The following GRK1 variants were observed in gnomAD, a reference collection of about 807,000 sequenced individuals.
The protein encoded by GRK1 is rhodopsin kinase GRK1.
Under a neutral mutation model 41.7 loss-of-function variants are expected in GRK1, and 28 were observed. The ratio of observed to expected loss-of-function variants is 0.67; its 90% CI spans 0.50 to 0.92. The LOEUF (loss-of-function observed/expected upper bound fraction) is 0.92, where lower values mean the gene tolerates loss of function less well. GRK1 is among the 40% of genes least tolerant of loss of function. The pLI, the probability that GRK1 is intolerant of heterozygous loss-of-function variation, is 0.00. For synonymous variants in GRK1, 327 were observed against 286.7 expected, an observed-to-expected ratio of 1.14 and a Z score of -1.42; for missense variants, 703 against 671.2, an observed-to-expected ratio of 1.05 and a Z score of -0.52.
chr13:113,656,201 G>A, the GRK1 span, among the ~76,000 whole-genome samples: 3 of 152,330 alleles, frequency 2.0e-5, no homozygotes, highest in South Asian at 2.1e-4. Flanking sequence ...TGGCCCTGCA[G>A]GTCCTGCCTC....
the GRK1 span, among the ~76,000 whole-genome samples, chr13:113,661,208 C>T: frequency 1.3e-5 from 2 of 152,040 alleles, no homozygotes; most frequent in Non-Finnish European, 2.9e-5. Flanking sequence ...ACAGAAAAAC[C>T]TCCAAATATG....
chr13:113,651,127 G>T, the GRK1 span, among the ~76,000 whole-genome samples: 1 of 151,940 alleles, frequency 6.6e-6, no homozygotes, highest in Non-Finnish European at 1.5e-5. Flanking sequence ...CGCGGTAATG[G>T]AACCACGCTG....
chr13:113,655,659 G>A, the GRK1 span, among the ~76,000 whole-genome samples: 1 of 138,332 alleles, frequency 7.2e-6, no homozygotes, highest in East Asian at 2.2e-4. Flanking sequence ...TGTGTGGATC[G>A]CAGGAGGCAT....
At chr13:113,660,682 C>T in the GRK1 span, among the ~76,000 whole-genome samples, 3 of 152,164 alleles carry the variant, frequency 2.0e-5, no homozygotes, top group Non-Finnish European at 4.4e-5. Context: ...CTGGGCATCT[C>T]TGCTAAAAAA....
At chr13:113,653,236 CCCG>C in the GRK1 span, 13 of 1,368,700 alleles carry the variant, frequency 9.5e-6, no homozygotes, top group Non-Finnish European at 1.3e-5. Context: ...ACCTCACCCA[CCCG>C]CCGCTTCACA....
chr13:113,660,549 A>C, the GRK1 span, among the ~76,000 whole-genome samples: 20,823 of 152,278 alleles, frequency 0.14, 1,553 homozygotes, highest in Middle Eastern at 0.23. Context: ...CATCACACAA[A>C]GAACGAGGAC....
In GRK1 at chr13:113,733,778, C is replaced by T. The variant is rs866512030; in HGVS notation, c.1396+693C>T. On this transcript the variant is annotated intron_variant, in intron 6 of 6. Transcript: ENST00000335678. ...GTGTGCGTGTGTATGTGTGTGCATACGTGTGTGCATGTGTGTATGTGTATC... is the reference window on the plus strand; with the variant it reads ...GTGTGCGTGTGTATGTGTGTGCATATGTGTGTGCATGTGTGTATGTGTATC... Among the ~76,000 whole-genome samples the T allele has an allele frequency of 3.9e-3, 350 of 89,516 alleles. 4 individuals are homozygous for T. The highest frequency in any genetic ancestry group is 0.015 in the African/African-American group (326 of 21,624). 58.7% of individuals were successfully genotyped at this position (89,516 alleles called of 152,430 possible).
At chr13:113,667,181 C>A (rs1419362405), upstream of GRK1, 5 of 564,726 alleles carry the variant, frequency 8.9e-6, no homozygotes, top group African/African-American at 9.3e-5. This position sits in a 1 kb window ranked among gnomAD's most constrained non-coding sequence, Gnocchi z 7.5. Context: ...GGGATTTAGC[C>A]TGGTGCTGTG....
intron 4 of GRK1, among the ~76,000 whole-genome samples, chr13:113,729,270 G>T (rs538744807): frequency 6.6e-6 from 1 of 152,242 alleles, no homozygotes; most frequent in Non-Finnish European, 1.5e-5. Flanking sequence ...ATGTGCGAGC[G>T]AGGCTCCAGG....
In GRK1 at chr13:113,667,442, G is replaced by A. The variant is rs374698122; in HGVS notation, c.56G>A (p.Arg19Gln). ...VVANSAFIAA[R>Q]GSFDGSSSQP... ...GCCAACTCTGCCTTCATCGCCGCCCGAGGCAGCTTTGACGGCAGCAGCTCC... is the reference window on the plus strand; with the variant it reads ...GCCAACTCTGCCTTCATCGCCGCCCAAGGCAGCTTTGACGGCAGCAGCTCC... Residue 19 changes from arginine to glutamine, a missense_variant, in exon 1 of 7, where the codon CGA (arginine) becomes CAA (glutamine). Coordinates refer to ENST00000335678, the MANE Select transcript of GRK1 (RefSeq NM_002929.3). This position sits in a 1 kb window ranked among gnomAD's most constrained non-coding sequence, Gnocchi z 7.5. 122 of 1,606,414 alleles carry A rather than the reference G, an allele frequency of 7.6e-5. No individual in the cohort carries two copies. The African/African-American group carries it at 1.2e-3, about 15-fold the overall frequency.
In GRK1 at chr13:113,723,171, C is replaced by A. The variant is rs145681382; in HGVS notation, c.1069+14C>A. 2 of 698,796 alleles carry A rather than the reference C, an allele frequency of 2.9e-6. No individual in the cohort carries two copies. The highest frequency in any genetic ancestry group is 5.2e-6 in the Non-Finnish European group (2 of 381,758). The allele number at this position is 698,796 out of a possible 1,614,324, so 43.3% of individuals were successfully genotyped here. A position where few individuals can be genotyped will look rare whatever the true frequency, so the allele number is the denominator to read the frequency against. ...CAGGGACCCCAGGTAAGGGTCTGAGCGCAGCTGGGGAGGCTCCGTGCATGG... is the reference window on the plus strand; with the variant it reads ...CAGGGACCCCAGGTAAGGGTCTGAGAGCAGCTGGGGAGGCTCCGTGCATGG... On this transcript the variant is annotated intron_variant, in intron 4 of 6. Transcript: ENST00000335678.
chr13:113,724,135 A>G (rs1170864277), intron 4 of GRK1, among the ~76,000 whole-genome samples: 1 of 151,896 alleles, frequency 6.6e-6, no homozygotes, highest in Non-Finnish European at 1.5e-5. Flanking sequence ...GGAGACCCCC[A>G]CAGTCAAGCA....
chr13:113,649,451 C>A, the GRK1 span: 109 of 1,572,344 alleles, frequency 6.9e-5, no homozygotes, highest in Non-Finnish European at 9.0e-5. The surrounding 1 kb of genome is among the most constrained non-coding windows in gnomAD (Gnocchi z 4.7). Context: ...ACGTGCTCCG[C>A]CATGACCTTG....
intron 6 of GRK1, among the ~76,000 whole-genome samples, chr13:113,733,549 G>T (rs556531537): frequency 1.3e-5 from 2 of 151,240 alleles, no homozygotes; most frequent in South Asian, 4.2e-4. Flanking sequence ...ATGCGTGTGC[G>T]CGCACGTGTG....
chr13:113,666,513 C>T (rs2049820375), upstream of GRK1, among the ~76,000 whole-genome samples: 1 of 151,956 alleles, frequency 6.6e-6, no homozygotes, highest in South Asian at 2.1e-4. Flanking sequence ...AGGTGTACCC[C>T]AGGTGTTTCT....
chr13:113,655,668 A>C, the GRK1 span, among the ~76,000 whole-genome samples: 1 of 146,654 alleles, frequency 6.8e-6, no homozygotes, highest in East Asian at 2.1e-4. Flanking sequence ...CGCAGGAGGC[A>C]TTTGCAGGGA....
the GRK1 span, among the ~76,000 whole-genome samples, chr13:113,650,228 G>A: frequency 6.6e-6 from 1 of 151,970 alleles, no homozygotes; most frequent in Non-Finnish European, 1.5e-5. The surrounding 1 kb of genome is among the most constrained non-coding windows in gnomAD (Gnocchi z 5.0). Flanking sequence ...TGAGAGGAAT[G>A]TTTCCAGGTA....
At position 113,671,552 on chromosome 13, in the gene GRK1, C is replaced by A. The variant is rs756781524; in HGVS notation, c.881C>A (p.Ala294Asp). ...AACCCTGGCTTCCCGGAGCCGCGCG[C>A]CCTCTTCTACACGGCGCAGATCATC... Reference protein sequence around the residue: ...EENPGFPEPRALFYTAQIICG... With the variant: ...EENPGFPEPRDLFYTAQIICG... Residue 294 changes from alanine (A) to aspartate (D), a missense_variant, in exon 3 of 7, where the codon GCC (alanine) becomes GAC (aspartate). Ala to Asp is a moderately radical substitution (Grantham distance 126, BLOSUM62 -2). Transcript: ENST00000335678. The surrounding 1 kb of genome is among the most constrained non-coding windows in gnomAD (Gnocchi z 4.1). The A allele has an allele frequency of 5.1e-6, 4 of 778,502 alleles. No homozygotes were observed. The highest frequency in any genetic ancestry group is 9.6e-6 in the Non-Finnish European group (4 of 417,962). 48.2% of individuals were successfully genotyped at this position (778,502 alleles called of 1,614,324 possible). A position where few individuals can be genotyped will look rare whatever the true frequency, so the allele number is the denominator to read the frequency against.
At position 113,671,617 on chromosome 13, in the gene GRK1, C is replaced by A. The variant is rs202230353; in HGVS notation, c.946C>A (p.Arg316Ser). ...EHLHQRRIVY[R>S]DLKPENVLLD... is the part of the protein sequence containing the mutation. ...CCTGCACCAGAGGCGGATCGTCTACCGCGACCTCAAGCCCGAGAACGTGCT... is the reference window on the plus strand; with the variant it reads ...CCTGCACCAGAGGCGGATCGTCTACAGCGACCTCAAGCCCGAGAACGTGCT... The change falls in exon 3 of 7, where the codon CGC becomes AGC. Residue 316 changes from arginine (R) to serine (S), a missense_variant. Transcript: ENST00000335678. This position sits in a 1 kb window ranked among gnomAD's most constrained non-coding sequence, Gnocchi z 4.1. The A allele has an allele frequency of 6.5e-6, 5 of 770,962 alleles. No homozygotes were observed. In the East Asian group the frequency reaches 9.7e-5, roughly 15 times the overall value. 47.8% of individuals were successfully genotyped at this position (770,962 alleles called of 1,614,324 possible).
Sources: gnomAD v4.1 joint callset for allele counts (sites outside exome capture counted in the v4.1 genomes callset) on GRCh38, gnomAD v4.1.1 for gene constraint, Gnocchi (gnomAD v3.1) non-coding constraint, MANE v1.5 for transcripts, NCBI Gene and HGNC (gene_info 2026-07-23, HGNC 2026-07-21) for gene names.